The following RNF17 variants were observed in gnomAD, a reference collection of about 807,000 sequenced individuals.
RNF17 encodes spermatogenesis associated 23.
RNF17 carries 31 observed loss-of-function variants against 200.5 expected under a neutral mutation model. The ratio of observed to expected loss-of-function variants is 0.15; its 90% CI spans 0.12 to 0.21. RNF17 has a LOEUF of 0.21. RNF17 is among the 10% of genes least tolerant of loss of function. The pLI is 1.00. For synonymous variants in RNF17, 606 were observed against 637.8 expected, an observed-to-expected ratio of 0.95 and a Z score of 0.75; for missense variants, 1,628 against 1,905.1, an observed-to-expected ratio of 0.85 and a Z score of 2.71.
rs1894153424 is a variant in RNF17 at position 24,870,643 on chromosome 13, G to A, written c.4351G>A (p.Val1451Ile). The stretch of plus-strand genomic sequence containing the variant: ...GCATAGTGACACAGATGATAGTGGA[G>A]TCAGCGGGGAATCAGAATCCGAGAG... The part of the protein sequence containing the change: ...NQHSDTDDSG[V>I]SGESESESLD... Residue 1451 changes from valine (V) to isoleucine (I), a missense_variant, in exon 32 of 36, where the codon GTC (valine) becomes ATC (isoleucine). By Grantham distance (29) the Val-to-Ile change is conservative. Around this residue, in one of 5 missense-constraint regions of RNF17, gnomAD observed 609 missense variants for 681.9 expected, o/e 0.89. Transcript: ENST00000255324. The A allele has an allele frequency of 6.2e-7, 1 of 1,613,952 alleles. No homozygotes were observed. The highest frequency in any genetic ancestry group is 1.3e-5 in the African/African-American group (1 of 74,916).
intron 22 of RNF17, among the ~76,000 whole-genome samples, chr13:24,847,990 G>A (rs1891442301): frequency 6.6e-6 from 1 of 152,096 alleles, no homozygotes; most frequent in African/African-American, 2.4e-5. Flanking sequence ...GGTATCTTAT[G>A]GACTGGAATG....
At chr13:24,787,832 AC>A (rs755730332) in intron 6 of RNF17, among the ~76,000 whole-genome samples, 155 bp from the exon 7 acceptor site, 28 of 152,284 alleles carry the variant, frequency 1.8e-4, no homozygotes, top group Non-Finnish European at 3.1e-4. Flanking sequence ...AAGTGAAAGT[AC>A]CCTTTCAGAT....
At chr13:24,820,390 G>A (rs1887906841) in intron 15 of RNF17, among the ~76,000 whole-genome samples, 1 of 151,904 alleles carries the variant, frequency 6.6e-6, no homozygotes, top group Admixed American at 6.5e-5. Context: ...CCAAAGTGCT[G>A]GGATTACAGG....
chr13:24,793,445 CT>C, intron 10 of RNF17, 99 bp downstream of exon 10: 1 of 1,082,024 alleles, frequency 9.2e-7, no homozygotes, highest in Non-Finnish European at 1.3e-6. Flanking sequence ...AATATAATTG[CT>C]GTTATAATCT....
chr13:24,821,084 A>G (rs1342740649), intron 15 of RNF17, among the ~76,000 whole-genome samples: 1 of 152,110 alleles, frequency 6.6e-6, no homozygotes, highest in Non-Finnish European at 1.5e-5. Context: ...TCTCTGCTTT[A>G]GATTTTGGTG....
chr13:24,819,972 AT>A (rs1458055411), intron 15 of RNF17, among the ~76,000 whole-genome samples: 8 of 151,818 alleles, frequency 5.3e-5, no homozygotes, highest in Non-Finnish European at 8.8e-5. Flanking sequence ...GACTGTCTTA[AT>A]TTTTCTCACG....
chr13:24,759,529 G>A (rs1878510811), upstream of RNF17, among the ~76,000 whole-genome samples: 1 of 152,188 alleles, frequency 6.6e-6, no homozygotes, highest in South Asian at 2.1e-4. Flanking sequence ...ATAAGGGTGA[G>A]GGAAGCAAGA....
intron 15 of RNF17, among the ~76,000 whole-genome samples, chr13:24,824,578 T>G (rs190273273): frequency 1.3e-5 from 2 of 152,274 alleles, no homozygotes; most frequent in African/African-American, 4.8e-5. Flanking sequence ...TAGGAAACTT[T>G]AGAAACTTTT....
rs924684017 is a variant in RNF17, at chr13:24,774,881, A to G, written c.294A>G (p.Ile98Met). ...PMAGYIKEDS[I>M]MEKLQPKTIK... ...CTGGATATATTAAGGAAGACTCCAT[A>G]ATGGAAAAACTGCAGCCTAAGACGT... The change falls in exon 3 of 36, where the codon ATA (isoleucine) becomes ATG (methionine). Residue 98 changes from isoleucine (I) to methionine (M), a missense_variant. Coordinates refer to ENST00000255324, the MANE Select transcript of RNF17 (RefSeq NM_031277.3). 1.9e-6 allele frequency: 3 copies of G among 1,609,728 alleles called. No individual in the cohort carries two copies. Among genetic ancestry groups the G allele is most frequent in the East Asian group, 2.2e-5 (1 of 44,784 alleles).
At chr13:24,765,748 A>T (rs1054436443) in intron 1 of RNF17, among the ~76,000 whole-genome samples, 3 of 152,222 alleles carry the variant, frequency 2.0e-5, no homozygotes, top group African/African-American at 7.2e-5. Context: ...AGTGCTTTTT[A>T]AGCTGTAATT....
rs796693007 is a variant in RNF17, at chr13:24,826,770, G to GA, written c.2245+1006dup. Among the ~76,000 whole-genome samples the GA allele has an allele frequency of 2.9e-3, 420 of 144,570 alleles. 5 individuals carry two copies. Among genetic ancestry groups the GA allele is most frequent in the African/African-American group, 0.01 (397 of 39,230 alleles). 94.8% of individuals were successfully genotyped at this position (144,570 alleles called of 152,430 possible). On this transcript the variant is annotated intron_variant, in intron 16 of 35. Coordinates refer to ENST00000255324, the MANE Select transcript of RNF17 (RefSeq NM_031277.3). ...CCTGGGCGACAGAGCAAGACTGTCT[G>GA]AAAAAAAAGGCCGGGTGCGGTGGCT...
intron 15 of RNF17, among the ~76,000 whole-genome samples, chr13:24,817,617 G>A (rs1593332219): frequency 3.9e-5 from 6 of 152,096 alleles, no homozygotes; most frequent in Admixed American, 3.9e-4. Context: ...TACTCGGGAG[G>A]CTGAGGCAGG....
At chr13:24,836,213 TGAG>T (rs1889981423) in intron 18 of RNF17, among the ~76,000 whole-genome samples, 1 of 152,158 alleles carries the variant, frequency 6.6e-6, no homozygotes, top group Non-Finnish European at 1.5e-5. Context: ...GGGAAATAAT[TGAG>T]GAAAACTTCC....
Position 24,771,416 on chromosome 13 carries a change from C to T in RNF17, c.226-3397C>T, listed in dbSNP as rs555082338. ...TGCTATGTTGCCCAGGCTGGTCACG[C>T]CTTAGCCTTCCAAAGTGCTGAGATT... is the stretch of plus-strand genomic sequence containing the variant. On this transcript the variant is annotated intron_variant, in intron 2 of 35. Coordinates refer to ENST00000255324, the MANE Select transcript of RNF17 (RefSeq NM_031277.3). 1.5e-4 allele frequency among the ~76,000 whole-genome samples: 21 copies of T among 141,704 alleles called. No homozygotes were observed. The Admixed American group carries it at 1.6e-3, about 11-fold the overall frequency. The allele number at this position is 141,704 out of a possible 152,430, so 93.0% of individuals were successfully genotyped here. A position where few individuals can be genotyped will look rare whatever the true frequency, so the allele number is the denominator to read the frequency against.
At chr13:24,789,857 G>A (rs1449945642) in intron 9 of RNF17, 85 bp downstream of exon 9, 2 of 818,724 alleles carry the variant, frequency 2.4e-6, no homozygotes, top group South Asian at 1.6e-5. Flanking sequence ...GATGTTTAGT[G>A]TAATTCAAAA....
chr13:24,843,901 C>T lies in RNF17; in HGVS notation c.2761C>T (p.His921Tyr). 6.2e-7 allele frequency: 1 copy of T among 1,600,276 alleles called. No individual in the cohort carries two copies. Among genetic ancestry groups the T allele is most frequent in the Non-Finnish European group, 8.5e-7 (1 of 1,171,542 alleles). Residue 921 changes from histidine to tyrosine, a missense_variant, in exon 20 of 36, where the codon CAT (histidine) becomes TAT (tyrosine). Physicochemically the swap from His to Tyr is moderately conservative, Grantham distance 83. This residue lies in a region of RNF17 where 227 missense variants were observed against 319.8 expected (regional missense o/e 0.71). Transcript: ENST00000255324. ...QSLYNKELPV[H>Y]ICNVISPEKI... The stretch of plus-strand genomic sequence containing the variant: ...ACTTTATAATAAGGAATTGCCTGTG[C>T]ATATCTGTAATGTAATATCTCCTGA...
intron 9 of RNF17, 119 bp from the exon 10 acceptor site, chr13:24,792,923 T>A (rs1884055676): frequency 1.5e-6 from 1 of 678,086 alleles, no homozygotes. Flanking sequence ...CAGTGGCTAT[T>A]GAATAATCAT....
In RNF17 at chr13:24,868,643, A is replaced by G. The variant is rs1236548202; in HGVS notation, c.4205A>G (p.Tyr1402Cys). The change falls in exon 31 of 36, where the codon TAT becomes TGT. Residue 1402 changes from tyrosine (Y) to cysteine (C), a missense_variant. Physicochemically the swap from Tyr to Cys is radical, Grantham distance 194. Transcript: ENST00000255324. ...ACAGACACTCCTCTTTTACCACCAT[A>G]TTTGTCTTCATCTCTGCCTTCCCCA... ...AETDTPLLPP[Y>C]LSSSLPSPGE... 1.9e-6 allele frequency: 3 copies of G among 1,610,862 alleles called. No homozygotes were observed. Among genetic ancestry groups the G allele is most frequent in the African/African-American group, 1.3e-5 (1 of 74,796 alleles).
intron 6 of RNF17, among the ~76,000 whole-genome samples, chr13:24,782,237 G>A (rs1014403225): frequency 2.0e-5 from 3 of 152,114 alleles, no homozygotes; most frequent in African/African-American, 7.2e-5. Context: ...GTGCAATGGT[G>A]TGATAATAGC....
Sources: gnomAD v4.1 joint callset for allele counts (sites outside exome capture counted in the v4.1 genomes callset) on GRCh38, gnomAD v4.1.1 for gene constraint, gnomAD v4.1.1 regional missense constraint, MANE v1.5 for transcripts, NCBI Gene and HGNC (gene_info 2026-07-23, HGNC 2026-07-21) for gene names.